The following PRELID2 variants were observed in gnomAD, a reference collection of about 807,000 sequenced individuals.
PRELID2 encodes the protein PRELI domain containing 2.
In PRELID2, 25 loss-of-function variants were observed where a neutral mutation model predicts 28.4. That is an observed-to-expected ratio of 0.88 (90% CI 0.64 to 1.23). PRELID2 has a LOEUF of 1.23. PRELID2 is among the 50% of genes most tolerant of loss of function. PRELID2 has a pLI of 0.00. For synonymous variants in PRELID2, 76 were observed against 71.6 expected (o/e 1.06, Z -0.31); for missense variants, 201 against 214.4 (o/e 0.94, Z 0.39).
chr5:145,556,177 C>CAAAAAAAAAA (rs1231402100), intron 1 of PRELID2, among the ~76,000 whole-genome samples: 34 of 60,654 alleles, frequency 5.6e-4, no homozygotes, highest in Non-Finnish European at 8.1e-4. Context: ...GACTCTATCT[C>CAAAAAAAAAA]AAAAAAAAAA....
chr5:145,671,231 A>C (rs2149683157), intron 1 of PRELID2, among the ~76,000 whole-genome samples: 1 of 152,312 alleles, frequency 6.6e-6, no homozygotes, highest in East Asian at 1.9e-4. Context: ...TACAGATTTC[A>C]GGCAATGGAT....
At chr5:145,454,302 GACAAACCC>G in the PRELID2 span, among the ~76,000 whole-genome samples, 1 of 152,098 alleles carries the variant, frequency 6.6e-6, no homozygotes, top group Non-Finnish European at 1.5e-5. Flanking sequence ...AGCTATCTAT[GACAAACCC>G]ACAGCCAATA....
At chr5:145,820,689 C>T (rs774098059) in intron 2 of PRELID2, among the ~76,000 whole-genome samples, 1 of 152,092 alleles carries the variant, frequency 6.6e-6, no homozygotes, top group Non-Finnish European at 1.5e-5. Flanking sequence ...TTATGGTCTC[C>T]TCAGAAGAAG....
intron 1 of PRELID2, among the ~76,000 whole-genome samples, chr5:145,505,455 C>T (rs1334228750): frequency 1.3e-5 from 2 of 152,168 alleles, no homozygotes; most frequent in Non-Finnish European, 2.9e-5. Flanking sequence ...TAGCCCTGAA[C>T]ATCTTTTTCT....
At chr5:145,404,635 T>C in the PRELID2 span, among the ~76,000 whole-genome samples, 1 of 152,074 alleles carries the variant, frequency 6.6e-6, no homozygotes. Context: ...TCTTTAAACC[T>C]CTCCTCATCT....
At chr5:145,606,045 C>A (rs1753499121) in intron 1 of PRELID2, among the ~76,000 whole-genome samples, 1 of 151,906 alleles carries the variant, frequency 6.6e-6, no homozygotes, top group South Asian at 2.1e-4. Flanking sequence ...AATGGGATTG[C>A]ATTTTTGCTG....
At chr5:145,725,006 G>A (rs1246024795) in intron 1 of PRELID2, among the ~76,000 whole-genome samples, 6 of 151,734 alleles carry the variant, frequency 4.0e-5, no homozygotes, top group East Asian at 1.9e-4. Context: ...GCCTCCCAAC[G>A]TGCTGGGATT....
At chr5:145,307,520 G>A in the PRELID2 span, among the ~76,000 whole-genome samples, 1 of 152,172 alleles carries the variant, frequency 6.6e-6, no homozygotes, top group South Asian at 2.1e-4. Flanking sequence ...CAGAGGCCCT[G>A]GGAAATAGAG....
the PRELID2 span, among the ~76,000 whole-genome samples, chr5:145,389,030 A>G: frequency 6.6e-6 from 1 of 152,192 alleles, no homozygotes; most frequent in East Asian, 1.9e-4. Context: ...TAATATTGTG[A>G]CCAGCACATA....
chr5:145,381,957 T>TG, the PRELID2 span, among the ~76,000 whole-genome samples: 91 of 64,818 alleles, frequency 1.4e-3, 2 homozygotes, highest in African/African-American at 4.8e-3. Flanking sequence ...GATTACTTAG[T>TG]TTTTTTTTTT....
the PRELID2 span, among the ~76,000 whole-genome samples, chr5:145,462,301 A>G: frequency 6.6e-6 from 1 of 152,222 alleles, no homozygotes; most frequent in Non-Finnish European, 1.5e-5. Context: ...CAAAAAGAAA[A>G]CTTCCCAAAT....
chr5:145,653,519 T>C (rs1205461248), intron 1 of PRELID2, among the ~76,000 whole-genome samples: 5 of 152,116 alleles, frequency 3.3e-5, no homozygotes, highest in African/African-American at 4.8e-5. Context: ...CCTCAGCAAA[T>C]GTAAAAGAAG....
chr5:145,805,812 A>C (rs1753461041), intron 4 of PRELID2, among the ~76,000 whole-genome samples: 1 of 152,262 alleles, frequency 6.6e-6, no homozygotes. Context: ...CCTAGACTAC[A>C]AAGCTGCACA....
the PRELID2 span, among the ~76,000 whole-genome samples, chr5:145,281,050 C>A: frequency 6.6e-6 from 1 of 152,086 alleles, no homozygotes; most frequent in East Asian, 1.9e-4. Context: ...CTGCATTCTT[C>A]TTTGTTGGCT....
chr5:145,625,022 C>A (rs1753823989), intron 1 of PRELID2, among the ~76,000 whole-genome samples: 1 of 151,982 alleles, frequency 6.6e-6, no homozygotes, highest in Admixed American at 6.6e-5. Context: ...TACAAAGATA[C>A]CATTTTATAC....
intron 1 of PRELID2, among the ~76,000 whole-genome samples, chr5:145,659,472 A>G (rs1754452334): frequency 6.6e-6 from 1 of 152,210 alleles, no homozygotes; most frequent in Non-Finnish European, 1.5e-5. Flanking sequence ...AATGTTAGCT[A>G]AGTTGATTAT....
At position 145,741,637 on chromosome 5, in the gene PRELID2, T is replaced by A. The variant is rs868450555; in HGVS notation, n.70+23294A>T. On this transcript the variant is annotated intron_variant and non_coding_transcript_variant, in intron 1 of 2. Coordinates refer to the PRELID2 transcript ENST00000510259. ...TTATATATAAATAATTTATTTATAA[T>A]TTATTTATATATAAATAATTTATTT... Among the ~76,000 whole-genome samples the A allele has an allele frequency of 6.7e-3, 76 of 11,282 alleles. 20 individuals carry two copies. The highest frequency in any genetic ancestry group is 0.027 in the African/African-American group (71 of 2,634). 7.4% of individuals were successfully genotyped at this position (11,282 alleles called of 152,430 possible). A position where few individuals can be genotyped will look rare whatever the true frequency, so the allele number is the denominator to read the frequency against.
intron 1 of PRELID2, among the ~76,000 whole-genome samples, chr5:145,615,440 C>T (rs1398714712): frequency 7.1e-6 from 1 of 141,818 alleles, no homozygotes; most frequent in Non-Finnish European, 1.5e-5. Flanking sequence ...CATTCTCCTG[C>T]CTCAGCCTCC....
intron 1 of PRELID2, among the ~76,000 whole-genome samples, chr5:145,696,124 G>A (rs1052901602): frequency 3.0e-5 from 4 of 135,464 alleles, no homozygotes; most frequent in Non-Finnish European, 6.3e-5. Context: ...GCTTAGTATA[G>A]TTTCTGGCAC....
Sources: gnomAD v4.1 joint callset for allele counts (sites outside exome capture counted in the v4.1 genomes callset) on GRCh38, gnomAD v4.1.1 for gene constraint, MANE v1.5 for transcripts, NCBI Gene and HGNC (gene_info 2026-07-23, HGNC 2026-07-21) for gene names.